NCK2: variants seen among roughly 807,000 people sequenced by gnomAD.
The protein encoded by NCK2 is cytoplasmic protein NCK2.
NCK2 carries 16 observed loss-of-function variants against 33.9 expected under a neutral mutation model. The ratio of observed to expected loss-of-function variants is 0.47; its 90% CI spans 0.32 to 0.72. The LOEUF (loss-of-function observed/expected upper bound fraction) is 0.72. Among genes scored for constraint, NCK2 ranks in the 30% least tolerant of loss-of-function variants. The pLI is 0.03. For missense variants in NCK2, 418 were observed against 537.3 expected, an observed-to-expected ratio of 0.78 and a Z score of 2.19; for synonymous variants, 273 against 239.9, an observed-to-expected ratio of 1.14 and a Z score of -1.27.
chr2:105,877,061 A>G lies in NCK2; in HGVS notation c.227-4267A>G, dbSNP rs142411203. On this transcript the variant is annotated intron_variant, in intron 3 of 4. Coordinates refer to ENST00000233154, the MANE Select transcript of NCK2 (RefSeq NM_003581.5). ...GAAGTCCAGGCAAGAGGAGAAGGAC[A>G]AGGGATCGCTGAGTCCCCTAAGCCT... is the stretch of plus-strand genomic sequence containing the variant. 3.0e-3 allele frequency among the ~76,000 whole-genome samples: 457 copies of G among 152,296 alleles called. 1 individual carries two copies. The highest frequency in any genetic ancestry group is 9.9e-3 in the African/African-American group (412 of 41,560).
chr2:105,806,737 A>G (rs1675058649), intron 1 of NCK2, among the ~76,000 whole-genome samples: 1 of 152,182 alleles, frequency 6.6e-6, no homozygotes, highest in Non-Finnish European at 1.5e-5. Flanking sequence ...TTCAGTGCTT[A>G]TCAGAGGAAG....
At chr2:105,863,756 G>A (rs565902566) in intron 3 of NCK2, among the ~76,000 whole-genome samples, 1 of 152,240 alleles carries the variant, frequency 6.6e-6, no homozygotes, top group South Asian at 2.1e-4. Context: ...GCAGGAGGGA[G>A]GACTCTGGAG....
intron 3 of NCK2, among the ~76,000 whole-genome samples, chr2:105,858,142 A>G (rs1294617669): frequency 6.6e-6 from 1 of 151,436 alleles, no homozygotes; most frequent in Non-Finnish European, 1.5e-5. Context: ...CAGGTATACC[A>G]TCAGAATGAC....
intron 3 of NCK2, among the ~76,000 whole-genome samples, chr2:105,861,703 T>TG (rs1321046694): frequency 6.6e-6 from 1 of 151,868 alleles, no homozygotes; most frequent in Non-Finnish European, 1.5e-5. Flanking sequence ...TTAGTACAGA[T>TG]GGGGTTTTAC....
In NCK2 at chr2:105,893,119, G is replaced by A. The variant is rs371262662; in HGVS notation, c.1086G>A (p.Ala362=). Residue 362 remains alanine (A), a synonymous_variant, in exon 5 of 5, where the codon GCG becomes GCA. Transcript: ENST00000233154. The part of the protein sequence containing the change: ...MDELVEHYKK[A]PIFTSEHGEK... ...AGCTGGTGGAACACTACAAAAAGGC[G>A]CCCATCTTCACCAGCGAGCACGGGG... 6 of 1,613,176 alleles carry A rather than the reference G, an allele frequency of 3.7e-6. No individual in the cohort carries two copies. The highest frequency in any genetic ancestry group is 1.1e-5 in the South Asian group (1 of 90,950).
At chr2:105,769,536 G>A (rs1690057899) in intron 1 of NCK2, among the ~76,000 whole-genome samples, 1 of 152,228 alleles carries the variant, frequency 6.6e-6, no homozygotes, top group South Asian at 2.1e-4. Context: ...ATAACGTACA[G>A]AAGAATAACT....
intron 1 of NCK2, among the ~76,000 whole-genome samples, chr2:105,787,532 C>G (rs1300587070): frequency 6.6e-6 from 1 of 152,166 alleles, no homozygotes; most frequent in South Asian, 2.1e-4. Flanking sequence ...TCTGCTGGCA[C>G]TTGGATCCTG....
intron 2 of NCK2, among the ~76,000 whole-genome samples, chr2:105,828,877 C>A (rs1447025811): frequency 6.6e-6 from 1 of 152,040 alleles, no homozygotes; most frequent in Non-Finnish European, 1.5e-5. Context: ...GAAACCATAG[C>A]TCTTAGTATG....
At chr2:105,772,836 C>G (rs1253540282) in intron 1 of NCK2, among the ~76,000 whole-genome samples, 1 of 151,690 alleles carries the variant, frequency 6.6e-6, no homozygotes, top group African/African-American at 2.4e-5. Context: ...ATCTAGGTCT[C>G]CTGGTCCTTC....
At chr2:105,862,467 G>A (rs554260664) in intron 3 of NCK2, among the ~76,000 whole-genome samples, 105 of 152,276 alleles carry the variant, frequency 6.9e-4, no homozygotes, top group African/African-American at 2.1e-3. Context: ...TCACAGGTAC[G>A]AGACCCAGAG....
rs1158424197 is a variant in NCK2, at chr2:105,881,360, C to G, written c.259C>G (p.Arg87Gly). The G allele has an allele frequency of 6.2e-7, 1 of 1,606,230 alleles. No individual in the cohort carries two copies. Among genetic ancestry groups the G allele is most frequent in the Non-Finnish European group, 8.5e-7 (1 of 1,178,662 alleles). ...CAAGACGCGCAGGAAGACCAGCGCGCGGGATGCGTCCCCCACGCCCAGCAC... is the reference window on the plus strand; with the variant it reads ...CAAGACGCGCAGGAAGACCAGCGCGGGGGATGCGTCCCCCACGCCCAGCAC... ...LGKTRRKTSA[R>G]DASPTPSTDA... Residue 87 changes from arginine to glycine, a missense_variant, in exon 4 of 5, where the codon CGG (arginine) becomes GGG (glycine). Coordinates refer to ENST00000233154, the MANE Select transcript of NCK2 (RefSeq NM_003581.5).
chr2:105,834,290 A>G (rs559958914), intron 2 of NCK2, among the ~76,000 whole-genome samples: 26 of 152,300 alleles, frequency 1.7e-4, no homozygotes, highest in South Asian at 4.1e-4. Flanking sequence ...TTTAGCTCTA[A>G]TAATATTTGC....
intron 3 of NCK2, among the ~76,000 whole-genome samples, chr2:105,859,473 G>GC (rs1677429397): frequency 6.6e-6 from 1 of 152,140 alleles, no homozygotes; most frequent in Non-Finnish European, 1.5e-5. Flanking sequence ...CCACACCTAG[G>GC]CCTAGCGTGG....
intron 1 of NCK2, among the ~76,000 whole-genome samples, chr2:105,757,503 C>T (rs943974017): frequency 6.6e-6 from 1 of 152,262 alleles, no homozygotes; most frequent in African/African-American, 2.4e-5. Context: ...ATCCTGCCAC[C>T]GACAGGTCAG....
intron 2 of NCK2, among the ~76,000 whole-genome samples, chr2:105,842,638 C>CT (rs1676691051): frequency 6.6e-6 from 1 of 152,150 alleles, no homozygotes; most frequent in African/African-American, 2.4e-5. Flanking sequence ...GTGCTCTTGA[C>CT]TCTTGACTTG....
chr2:105,757,035 C>T (rs541283360), intron 1 of NCK2, among the ~76,000 whole-genome samples: 1 of 152,180 alleles, frequency 6.6e-6, no homozygotes, highest in South Asian at 2.1e-4. Flanking sequence ...GAACTCCTGA[C>T]CTCGGGTGAT....
intron 1 of NCK2, among the ~76,000 whole-genome samples, chr2:105,746,633 G>T (rs943303759): frequency 6.6e-6 from 1 of 152,224 alleles, no homozygotes; most frequent in East Asian, 1.9e-4. Context: ...CATCGGACAC[G>T]TGGAGAAGAA....
At chr2:105,865,173 A>G (rs1677697448) in intron 3 of NCK2, among the ~76,000 whole-genome samples, 1 of 152,056 alleles carries the variant, frequency 6.6e-6, no homozygotes. Context: ...TAATCTCACA[A>G]GCGTTTTCCC....
chr2:105,871,512 T>C (rs1440192660), intron 3 of NCK2, among the ~76,000 whole-genome samples: 1 of 152,038 alleles, frequency 6.6e-6, no homozygotes, highest in Non-Finnish European at 1.5e-5. Context: ...TCTTTTTTTT[T>C]TGAGACAGAG....
Sources: allele counts gnomAD v4.1 joint callset (sites outside exome capture counted in the v4.1 genomes callset), GRCh38; gene constraint gnomAD v4.1.1; transcripts MANE v1.5; gene names NCBI Gene and HGNC (gene_info 2026-07-23, HGNC 2026-07-21).